ROBO1: variants seen among roughly 807,000 people sequenced by gnomAD.
ROBO1 encodes the protein roundabout guidance receptor 1.
ROBO1 carries 149 observed loss-of-function variants against 195.9 expected under a neutral mutation model. That is an observed-to-expected ratio of 0.76 (90% CI 0.67 to 0.87). The LOEUF (loss-of-function observed/expected upper bound fraction) is 0.87, where lower values mean the gene tolerates loss of function less well. Ranked by LOEUF, ROBO1 falls within the 40% of genes least tolerant of loss-of-function variation. ROBO1 has a pLI of 0.00. For missense variants in ROBO1, 1,933 were observed against 2,068.3 expected (o/e 0.93, Z 1.27); for synonymous variants, 816 against 733.2 (o/e 1.11, Z -1.82).
intron 1 of ROBO1, among the ~76,000 whole-genome samples, chr3:79,693,155 A>T (rs1947343138): frequency 6.6e-6 from 1 of 151,796 alleles, no homozygotes; most frequent in Non-Finnish European, 1.5e-5. Flanking sequence ...ACCAAAGAAA[A>T]TGATAAGTGT....
intron 3 of ROBO1, among the ~76,000 whole-genome samples, chr3:79,065,578 A>T (rs1351391364): frequency 1.3e-5 from 2 of 151,976 alleles, no homozygotes; most frequent in African/African-American, 2.4e-5. Context: ...TATCAGGGTC[A>T]TGTCAAAAGA....
intron 2 of ROBO1, among the ~76,000 whole-genome samples, chr3:79,159,707 T>A (rs999523496): frequency 1.3e-5 from 2 of 152,044 alleles, no homozygotes; most frequent in Non-Finnish European, 2.9e-5. Flanking sequence ...TTACTCCTAC[T>A]CTGATAATTT....
At chr3:78,740,512 C>G (rs2082504956) in intron 5 of ROBO1, among the ~76,000 whole-genome samples, 1 of 145,920 alleles carries the variant, frequency 6.9e-6, no homozygotes, top group Non-Finnish European at 1.5e-5. Context: ...ACTCTTGTTG[C>G]CCAGGCTGGA....
At chr3:79,184,138 T>C (rs2081394424) in intron 2 of ROBO1, among the ~76,000 whole-genome samples, 1 of 152,186 alleles carries the variant, frequency 6.6e-6, no homozygotes, top group African/African-American at 2.4e-5. Context: ...AAAGTAAAAG[T>C]ATCGGCAGGA....
At chr3:79,382,342 A>G (rs963185974) in intron 2 of ROBO1, among the ~76,000 whole-genome samples, 1 of 152,192 alleles carries the variant, frequency 6.6e-6, no homozygotes, top group African/African-American at 2.4e-5. Context: ...ATAGTGATGA[A>G]GTTATAATGA....
In ROBO1 at chr3:78,627,350, A is replaced by G; in HGVS notation, c.3846T>C (p.Thr1282=). ...QPMLQDCPEE[T]GHMQHQPDRR... ...TGTCGGGCTGGTGCTGCATGTGGCC[A>G]GTCTCCTCTGGACAATCCTGTAACA... The change falls in exon 26 of 31, where the codon ACT becomes ACC. Residue 1282 remains threonine, a synonymous_variant. Coordinates refer to ENST00000464233, the MANE Select transcript of ROBO1 (RefSeq NM_002941.4). 1.2e-6 allele frequency: 2 copies of G among 1,612,706 alleles called. No homozygotes were observed. The highest frequency in any genetic ancestry group is 1.1e-5 in the South Asian group (1 of 90,746).
At chr3:79,380,240 T>C (rs1248559637) in intron 2 of ROBO1, among the ~76,000 whole-genome samples, 1 of 152,194 alleles carries the variant, frequency 6.6e-6, no homozygotes, top group Non-Finnish European at 1.5e-5. Flanking sequence ...CCTTCAATTA[T>C]AGGAAAGGAT....
intron 2 of ROBO1, among the ~76,000 whole-genome samples, chr3:79,459,755 T>C (rs1167247931): frequency 1.3e-5 from 2 of 152,106 alleles, no homozygotes; most frequent in Admixed American, 1.3e-4. Context: ...GTTACATTAA[T>C]TCACTATTTT....
intron 4 of ROBO1, among the ~76,000 whole-genome samples, chr3:78,867,165 C>T (rs1479724052): frequency 6.6e-6 from 1 of 152,142 alleles, no homozygotes; most frequent in African/African-American, 2.4e-5. Context: ...GGGATCGTTT[C>T]TTTACCGCAA....
chr3:79,677,222 C>A (rs1946809465), intron 1 of ROBO1, among the ~76,000 whole-genome samples: 1 of 151,988 alleles, frequency 6.6e-6, no homozygotes, highest in African/African-American at 2.4e-5. Context: ...GTCTTTCTAG[C>A]TGGCTTGTAG....
rs527563143 is a variant in ROBO1, at chr3:78,639,618, A to G, written c.3037+126T>C. Reference sequence around the variant, plus strand: ...TTAAATCAGGCTATTTTGCTAAACAATAGTCAGCATTGGATAAAATACGGG... The same window carrying G: ...TTAAATCAGGCTATTTTGCTAAACAGTAGTCAGCATTGGATAAAATACGGG... On this transcript the variant is annotated intron_variant, in intron 22 of 30. Transcript: ENST00000464233. 4.1e-5 allele frequency: 36 copies of G among 870,282 alleles called. No individual in the cohort carries two copies. In the South Asian group the frequency reaches 6.1e-4, roughly 15 times the overall value. The allele number at this position is 870,282 out of a possible 1,614,324, so 53.9% of individuals were successfully genotyped here.
intron 8 of ROBO1, chr3:78,693,249 T>G: frequency 6.7e-7 from 1 of 1,483,572 alleles, no homozygotes; most frequent in Non-Finnish European, 9.1e-7. Context: ...GGAGGCTGAT[T>G]GGTTGAAGGA....
chr3:79,238,061 C>G lies in ROBO1; in HGVS notation c.89-112522G>C, dbSNP rs148591473. Among the ~76,000 whole-genome samples the G allele has an allele frequency of 5.0e-4, 76 of 152,268 alleles. 1 individual carries two copies. The highest frequency in any genetic ancestry group is 1.7e-3 in the African/African-American group (70 of 41,550). On this transcript the variant is annotated intron_variant, in intron 2 of 30. Transcript: ENST00000464233. Reference sequence around the variant, plus strand: ...TCTTCTGCTTTTTCCTTTGCTCAGGCTTCTCTGTGTCTTCAGGAAATAAAA... The same window carrying G: ...TCTTCTGCTTTTTCCTTTGCTCAGGGTTCTCTGTGTCTTCAGGAAATAAAA...
chr3:79,163,328 G>T (rs986336767), intron 2 of ROBO1, among the ~76,000 whole-genome samples: 3 of 151,968 alleles, frequency 2.0e-5, no homozygotes, highest in African/African-American at 7.2e-5. Context: ...TGTTTTCAAG[G>T]TTCATCCATG....
chr3:78,752,586 G>A (rs1199593960), intron 4 of ROBO1, among the ~76,000 whole-genome samples: 1 of 152,054 alleles, frequency 6.6e-6, no homozygotes, highest in Non-Finnish European at 1.5e-5. Flanking sequence ...GTACAAATGT[G>A]TGAAAAATTT....
intron 4 of ROBO1, among the ~76,000 whole-genome samples, chr3:78,757,680 T>C (rs142615586): frequency 6.6e-4 from 101 of 152,254 alleles, no homozygotes; most frequent in African/African-American, 2.3e-3. Context: ...AAACAAACTC[T>C]TCCCACCAAT....
intron 2 of ROBO1, among the ~76,000 whole-genome samples, chr3:79,179,320 A>G (rs2081304120): frequency 6.6e-6 from 1 of 152,248 alleles, no homozygotes; most frequent in South Asian, 2.1e-4. Context: ...TCTGAATTAT[A>G]AATATTTAGC....
chr3:78,985,666 C>G (rs886762857), intron 3 of ROBO1, among the ~76,000 whole-genome samples: 1 of 152,150 alleles, frequency 6.6e-6, no homozygotes, highest in Non-Finnish European at 1.5e-5. Context: ...CTCACGAGAT[C>G]CTGGTGGCAG....
intron 1 of ROBO1, among the ~76,000 whole-genome samples, chr3:79,626,891 T>C (rs1407939370): frequency 6.6e-6 from 1 of 152,032 alleles, no homozygotes; most frequent in Non-Finnish European, 1.5e-5. Flanking sequence ...TTGAATGAAC[T>C]CCGATTCACA....
Sources: allele counts gnomAD v4.1 joint callset (sites outside exome capture counted in the v4.1 genomes callset), GRCh38; gene constraint gnomAD v4.1.1; transcripts MANE v1.5; gene names NCBI Gene and HGNC (gene_info 2026-07-23, HGNC 2026-07-21).